The following ADA2 variants were observed in gnomAD, a reference collection of about 807,000 sequenced individuals.
ADA2 encodes adenosine deaminase 2.
In ADA2, 29 loss-of-function variants were observed where a neutral mutation model predicts 44.2. The observed-to-expected ratio is 0.66, with a 90% CI of 0.49 to 0.89. The LOEUF (loss-of-function observed/expected upper bound fraction) is 0.89, where lower values mean the gene tolerates loss of function less well. Ranked by LOEUF, ADA2 falls within the 40% of genes least tolerant of loss-of-function variation. The pLI, the probability that ADA2 is intolerant of heterozygous loss-of-function variation, is 0.00. For missense variants in ADA2, 637 were observed against 644.8 expected (o/e 0.99, Z 0.13); for synonymous variants, 215 against 234.9 (o/e 0.92, Z 0.77).
Position 17,182,476 on chromosome 22 carries a change from T to C in ADA2, c.1239+128A>G, listed in dbSNP as rs1331870559. On this transcript the variant is annotated intron_variant, in intron 8 of 9. Transcript: ENST00000399837. ...TCCTGAATAACTTTACTAACAGGGG[T>C]AGGAGAGTGGAGGGATGTAGGTAAC... 2.2e-5 allele frequency: 20 copies of C among 927,916 alleles called. No individual in the cohort carries two copies. In the Admixed American group the frequency reaches 4.0e-4, roughly 19 times the overall value. 57.5% of individuals were successfully genotyped at this position (927,916 alleles called of 1,614,324 possible).
intron 4 of ADA2, 54 bp downstream of exon 4, chr22:17,203,509 G>C (rs1385488315): frequency 4.2e-6 from 6 of 1,422,122 alleles, no homozygotes; most frequent in Non-Finnish European, 5.9e-6. Context: ...GCTAAGATCT[G>C]AGTCAGGCCA....
chr22:17,183,676 G>A (rs1207367977), intron 7 of ADA2, among the ~76,000 whole-genome samples: 1 of 150,786 alleles, frequency 6.6e-6, no homozygotes, highest in African/African-American at 2.4e-5. Flanking sequence ...CGGCCAGGCC[G>A]GTCTCAAACT....
At chr22:17,206,850 C>T (rs562113179) in intron 3 of ADA2, among the ~76,000 whole-genome samples, 2 of 152,152 alleles carry the variant, frequency 1.3e-5, no homozygotes, top group South Asian at 4.1e-4. Context: ...TAGAGATGGG[C>T]TTTCACCATG....
chr22:17,214,060 A>G, intron 1 of ADA2: 3 of 481,746 alleles, frequency 6.2e-6, no homozygotes, highest in South Asian at 3.6e-5. Flanking sequence ...AAAAAAAAAA[A>G]TAGCATCCAA....
chr22:17,199,446 T>TCCTCTATCCTCTTACCCA, intron 4 of ADA2: 1 of 917,628 alleles, frequency 1.1e-6, no homozygotes. Flanking sequence ...CCTCTTCCCC[T>TCCTCTATCCTCTTACCCA]CCACCCACGA....
At chr22:17,186,693 AC>A (rs1306925435) in intron 7 of ADA2, among the ~76,000 whole-genome samples, 2 of 151,584 alleles carry the variant, frequency 1.3e-5, no homozygotes, top group African/African-American at 4.9e-5. Context: ...ACATGGTGAA[AC>A]CCCATCTCTA....
intron 1 of ADA2, among the ~76,000 whole-genome samples, chr22:17,218,534 T>C (rs2062494300): frequency 6.6e-6 from 1 of 152,056 alleles, no homozygotes; most frequent in Non-Finnish European, 1.5e-5. Context: ...ACCTACCCCA[T>C]GCCACATTCT....
At chr22:17,213,995 T>G in intron 1 of ADA2, 1 of 348,384 alleles carries the variant, frequency 2.9e-6, no homozygotes, top group Non-Finnish European at 5.4e-6. Context: ...GCCAAGATTG[T>G]TCCATTGCAC....
chr22:17,189,967 G>A lies in ADA2; in HGVS notation c.947C>T (p.Pro316Leu). 6.2e-7 allele frequency: 1 copy of A among 1,613,896 alleles called. No homozygotes were observed. The highest frequency in any genetic ancestry group is 8.5e-7 in the Non-Finnish European group (1 of 1,179,770). Residue 316 changes from proline (P) to leucine (L), a missense_variant, in exon 6 of 10, where the codon CCC becomes CTC. Pro to Leu is a moderately conservative substitution (Grantham distance 98). Transcript: ENST00000399837. ...CAGGTCAAACCCTGCCACCACCGTG[G>A]GGAACTTGATTCGGAGCCCCATGGC... The part of the protein sequence containing the change: ...RMAMGLRIKF[P>L]TVVAGFDLVG...
At chr22:17,199,800 A>C in intron 4 of ADA2, 9 of 1,392,806 alleles carry the variant, frequency 6.5e-6, no homozygotes, top group Non-Finnish European at 8.4e-6. Context: ...ATGAATTAAT[A>C]GCTGGGCATG....
At position 17,209,426 on chromosome 22, in the gene ADA2, C is replaced by T. The variant is rs754739462; in HGVS notation, c.252G>A (p.Met84Ile). ...AMRTLIFPPS[M>I]HFFQAKHLIE... Reference sequence around the variant, plus strand: ...TGAGATGCTTGGCCTGGAAAAAGTGCATGCTGGGTGGGAATATCAGGGTCC... The same window carrying T: ...TGAGATGCTTGGCCTGGAAAAAGTGTATGCTGGGTGGGAATATCAGGGTCC... Residue 84 changes from methionine to isoleucine, a missense_variant, in exon 2 of 10, where the codon ATG (methionine) becomes ATA (isoleucine). By Grantham distance (10) the Met-to-Ile change is conservative. Coordinates refer to ENST00000399837, the MANE Select transcript of ADA2 (RefSeq NM_001282225.2). 1 of 1,614,150 alleles carries T rather than the reference C, an allele frequency of 6.2e-7. No individual in the cohort carries two copies. Among genetic ancestry groups the T allele is most frequent in the Non-Finnish European group, 8.5e-7 (1 of 1,180,036 alleles).
chr22:17,219,359 G>A lies in ADA2; in HGVS notation c.-50C>T, dbSNP rs1210633598. ...GCTCCCAAAGGACCCCAGTTACCTC[G>A]GAACAGCTCCAGAAACTGAGGGCTG... On this transcript the variant is annotated 5_prime_UTR_variant, in exon 1 of 10. Transcript: ENST00000399837. 4.6e-5 allele frequency: 7 copies of A among 152,338 alleles called. No individual in the cohort carries two copies. Among genetic ancestry groups the A allele is most frequent in the Admixed American group, 3.9e-4 (6 of 15,276 alleles). 9.4% of individuals were successfully genotyped at this position (152,338 alleles called of 1,614,324 possible).
chr22:17,208,845 G>T (rs2062385573), intron 2 of ADA2, among the ~76,000 whole-genome samples: 1 of 134,462 alleles, frequency 7.4e-6, no homozygotes, highest in Non-Finnish European at 1.6e-5. Flanking sequence ...AACATTTTTT[G>T]GGGAACAGGG....
chr22:17,199,710 G>T, intron 4 of ADA2: 1 of 1,549,610 alleles, frequency 6.5e-7, no homozygotes, highest in Non-Finnish European at 8.7e-7. Context: ...CCCTGGTCTG[G>T]GTCCAGCCAC....
chr22:17,193,521 C>T (rs1175617883), intron 4 of ADA2, among the ~76,000 whole-genome samples: 2 of 151,306 alleles, frequency 1.3e-5, no homozygotes, highest in African/African-American at 4.8e-5. Context: ...AAAAATTAGC[C>T]GGGTGTGGTG....
chr22:17,188,454 G>C lies in ADA2; in HGVS notation c.973-7C>G, dbSNP rs1188517681. 6.3e-7 allele frequency: 1 copy of C among 1,592,152 alleles called. No homozygotes were observed. The highest frequency in any genetic ancestry group is 1.3e-5 in the African/African-American group (1 of 74,298). On this transcript the variant is annotated splice_region_variant and splice_polypyrimidine_tract_variant and intron_variant, in intron 6 of 9. Transcript: ENST00000399837. ...CAGTGTCCTCATGCCCCACCTGCAGGACAGAGAGGGACAGGGAGGTGTCTG... is the reference window on the plus strand; with the variant it reads ...CAGTGTCCTCATGCCCCACCTGCAGCACAGAGAGGGACAGGGAGGTGTCTG...
intron 1 of ADA2, among the ~76,000 whole-genome samples, chr22:17,216,483 A>G (rs1220450381): frequency 6.6e-6 from 1 of 152,108 alleles, no homozygotes; most frequent in African/African-American, 2.4e-5. Flanking sequence ...CAGAGTAACT[A>G]AGACCGGGCA....
In ADA2 at chr22:17,208,838, A is replaced by ATTTTTTTTTT. The variant is rs796662081; in HGVS notation, c.322+517_322+518insAAAAAAAAAA. Among the ~76,000 whole-genome samples, 6 of 142,910 alleles carry ATTTTTTTTTT rather than the reference A, an allele frequency of 4.2e-5. 1 individual carries two copies. Among genetic ancestry groups the ATTTTTTTTTT allele is most frequent in the Admixed American group, 2.1e-4 (3 of 13,984 alleles). The allele number at this position is 142,910 out of a possible 152,430, so 93.8% of individuals were successfully genotyped here. A position where few individuals can be genotyped will look rare whatever the true frequency, so the allele number is the denominator to read the frequency against. On this transcript the variant is annotated intron_variant, in intron 2 of 9. Transcript: ENST00000399837. ...TTTTTTAATAAAAAAAAAAATTAAC[A>ATTTTTTTTTT]TTTTTTGGGGAACAGGGTCTTGCTC...
chr22:17,210,701 G>A (rs1464359107), intron 1 of ADA2, among the ~76,000 whole-genome samples: 2 of 151,890 alleles, frequency 1.3e-5, no homozygotes, highest in African/African-American at 4.8e-5. Flanking sequence ...GGGTTTAAGC[G>A]ATTCTCGTGC....
Sources: gnomAD v4.1 joint callset for allele counts (sites outside exome capture counted in the v4.1 genomes callset) on GRCh38, gnomAD v4.1.1 for gene constraint, MANE v1.5 for transcripts, NCBI Gene and HGNC (gene_info 2026-07-23, HGNC 2026-07-21) for gene names.